Variants in CSMD2 observed in about 807,000 individuals in gnomAD.
CSMD2 encodes the protein CUB and Sushi multiple domains 2.
In CSMD2, 130 loss-of-function variants were observed where a neutral mutation model predicts 398.5. The ratio of observed to expected loss-of-function variants is 0.33; its 90% CI spans 0.28 to 0.38. The LOEUF is 0.38. CSMD2 is among the 10% of genes least tolerant of loss of function. The pLI is 1.00. For missense variants in CSMD2, 3,829 were observed against 4,764.9 expected (o/e 0.80, Z 5.78); for synonymous variants, 1,828 against 1,908.5 (o/e 0.96, Z 1.10).
At chr1:33,747,480 T>C (rs1647545329) in intron 13 of CSMD2, among the ~76,000 whole-genome samples, 1 of 152,148 alleles carries the variant, frequency 6.6e-6, no homozygotes, top group African/African-American at 2.4e-5. Flanking sequence ...ATGTTAAGTG[T>C]AATTAGTAAT....
chr1:33,721,932 A>G (rs545383193), intron 19 of CSMD2, among the ~76,000 whole-genome samples: 34 of 152,336 alleles, frequency 2.2e-4, no homozygotes, highest in African/African-American at 7.7e-4. Flanking sequence ...TATGCAAACA[A>G]GGATGTCTTT....
intron 2 of CSMD2, among the ~76,000 whole-genome samples, 178 bp downstream of exon 2, chr1:34,088,799 C>T (rs767992925): frequency 6.6e-6 from 1 of 152,198 alleles, no homozygotes; most frequent in Admixed American, 6.5e-5. Flanking sequence ...ATCCTCCCAA[C>T]CGGAAACCTC....
intron 12 of CSMD2, among the ~76,000 whole-genome samples, chr1:33,786,509 G>A (rs1353249185): frequency 6.6e-6 from 1 of 152,146 alleles, no homozygotes; most frequent in Non-Finnish European, 1.5e-5. Context: ...GGAACAGCCC[G>A]CTCATTGAAC....
intron 5 of CSMD2, among the ~76,000 whole-genome samples, chr1:33,895,527 G>C (rs1464662860): frequency 6.6e-6 from 1 of 152,172 alleles, no homozygotes; most frequent in Non-Finnish European, 1.5e-5. Flanking sequence ...AGGGAATCAT[G>C]GGTAAGACAA....
intron 2 of CSMD2, among the ~76,000 whole-genome samples, chr1:34,038,915 T>C (rs1410074150): frequency 1.2e-4 from 18 of 152,220 alleles, no homozygotes; most frequent in Non-Finnish European, 1.5e-5. Context: ...CGTACACCTG[T>C]GGTTTCAGTT....
intron 14 of CSMD2, among the ~76,000 whole-genome samples, chr1:33,739,925 T>C (rs1466304628): frequency 3.3e-5 from 5 of 152,080 alleles, no homozygotes; most frequent in East Asian, 1.9e-4. Context: ...TAATGCAGAG[T>C]GGGGAGAGGA....
In CSMD2 at chr1:33,838,476, T is replaced by C. The variant is rs80281050; in HGVS notation, c.1033+8408A>G. On this transcript the variant is annotated intron_variant, in intron 6 of 70. Transcript: ENST00000373381. ...TACATCCTGCATTCTGCCCCTCCCT[T>C]GTAGCTGAGGGCTGCCTTGCCATTT... 2.1e-4 allele frequency: 32 copies of C among 152,344 alleles called. No homozygotes were observed. The East Asian group carries it at 5.8e-3, about 28-fold the overall frequency. 9.4% of individuals were successfully genotyped at this position (152,344 alleles called of 1,614,324 possible).
At chr1:33,843,122 T>G (rs1055001357) in intron 6 of CSMD2, among the ~76,000 whole-genome samples, 2 of 152,254 alleles carry the variant, frequency 1.3e-5, no homozygotes, top group Non-Finnish European at 2.9e-5. Context: ...GATTTATGTC[T>G]GTGCCTCTCT....
intron 10 of CSMD2, among the ~76,000 whole-genome samples, chr1:33,805,761 G>C (rs1656156286): frequency 6.6e-6 from 1 of 152,144 alleles, no homozygotes; most frequent in Non-Finnish European, 1.5e-5. Flanking sequence ...AGAGGACACA[G>C]TGAGAAGGTG....
intron 12 of CSMD2, among the ~76,000 whole-genome samples, chr1:33,777,532 G>A (rs1470115020): frequency 1.3e-5 from 2 of 152,152 alleles, no homozygotes; most frequent in African/African-American, 4.8e-5. Context: ...TGGCACTTCT[G>A]GTCAGGTGCT....
chr1:33,795,446 A>G (rs1319309017), intron 10 of CSMD2, among the ~76,000 whole-genome samples: 1 of 152,120 alleles, frequency 6.6e-6, no homozygotes, highest in Non-Finnish European at 1.5e-5. Context: ...GAAACATAAG[A>G]AGGGCATCTC....
At chr1:33,693,636 C>T (rs1317410852) in intron 24 of CSMD2, among the ~76,000 whole-genome samples, 1 of 152,174 alleles carries the variant, frequency 6.6e-6, no homozygotes, top group Admixed American at 6.5e-5. Flanking sequence ...AAAACTTGAA[C>T]ATGAATGTTC....
intron 41 of CSMD2, among the ~76,000 whole-genome samples, chr1:33,610,603 C>A (rs1640930893): frequency 6.6e-6 from 1 of 152,110 alleles, no homozygotes; most frequent in African/African-American, 2.4e-5. Flanking sequence ...CTTAGAGGTG[C>A]CCTTGGGACT....
intron 3 of CSMD2, among the ~76,000 whole-genome samples, chr1:33,944,024 T>G (rs536532579): frequency 1.3e-5 from 2 of 152,104 alleles, no homozygotes; most frequent in Non-Finnish European, 2.9e-5. Context: ...AGTAAATATT[T>G]TTTGGCCTTG....
chr1:33,761,822 AG>A (rs1347684299), intron 13 of CSMD2, among the ~76,000 whole-genome samples: 3 of 152,200 alleles, frequency 2.0e-5, no homozygotes, highest in African/African-American at 4.8e-5. Context: ...ATTTTCTTCC[AG>A]GGGAAACACG....
intron 48 of CSMD2, among the ~76,000 whole-genome samples, chr1:33,578,781 CG>C (rs1447219419): frequency 4.6e-5 from 7 of 152,128 alleles, no homozygotes; most frequent in African/African-American, 1.7e-4. Flanking sequence ...GCAGGATGCG[CG>C]TGTGGGGCCC....
Position 33,918,178 on chromosome 1 carries a change from G to A in CSMD2, c.836C>T (p.Thr279Ile), listed in dbSNP as rs1643822423. ...GAAGTCAATAAACACCAGGGCGATG[G>A]TGTCCCCCAGCTCAGCCAGGATGGT... ...TWTILAELGD[T>I]IALVFIDFQL... Residue 279 changes from threonine to isoleucine, a missense_variant, in exon 5 of 71, where the codon ACC becomes ATC. By Grantham distance (89) the Thr-to-Ile change is moderately conservative. Transcript: ENST00000373381. 6.2e-7 allele frequency: 1 copy of A among 1,614,182 alleles called. No homozygotes were observed. The highest frequency in any genetic ancestry group is 8.5e-7 in the Non-Finnish European group (1 of 1,180,044).
intron 1 of CSMD2, among the ~76,000 whole-genome samples, chr1:34,156,353 G>A (rs377491914): frequency 3.9e-5 from 6 of 152,234 alleles, no homozygotes; most frequent in East Asian, 3.9e-4. Flanking sequence ...CAAACCTCCC[G>A]AGGCCTGAGT....
chr1:33,800,968 ATAAG>A (rs1655534092), intron 10 of CSMD2, among the ~76,000 whole-genome samples: 3 of 140,914 alleles, frequency 2.1e-5, no homozygotes, highest in Non-Finnish European at 4.7e-5. Context: ...TGCTGAATGA[ATAAG>A]TGAGTGAACA....
Sources: gnomAD v4.1 joint callset for allele counts (sites outside exome capture counted in the v4.1 genomes callset) on GRCh38, gnomAD v4.1.1 for gene constraint, MANE v1.5 for transcripts, NCBI Gene and HGNC (gene_info 2026-07-23, HGNC 2026-07-21) for gene names.